Variants in EXT2 observed in about 807,000 individuals in gnomAD.
EXT2 encodes exostosin-2.
In EXT2, 53 loss-of-function variants were observed where a neutral mutation model predicts 81.6. That is an observed-to-expected ratio of 0.65 (90% CI 0.52 to 0.82). The LOEUF is 0.82. Among genes scored for constraint, EXT2 ranks in the 40% least tolerant of loss-of-function variants. The pLI is 0.00. For synonymous variants in EXT2, 320 were observed against 340.0 expected (o/e 0.94, Z 0.65); for missense variants, 774 against 910.2 (o/e 0.85, Z 1.93).
chr11:44,096,057 A>G (rs1953890023), intron 1 of EXT2: 2 of 651,762 alleles, frequency 3.1e-6, no homozygotes, highest in South Asian at 3.3e-5. Context: ...TCCGATTTCC[A>G]CTCCTGCTTC....
At chr11:44,164,918 G>A (rs1351190156) in intron 7 of EXT2, among the ~76,000 whole-genome samples, 1 of 138,790 alleles carries the variant, frequency 7.2e-6, no homozygotes, top group Non-Finnish European at 1.5e-5. Flanking sequence ...TCGCTCTGTC[G>A]CCCAGGCTGG....
At chr11:44,238,533 T>G (rs1388114085) in intron 13 of EXT2, among the ~76,000 whole-genome samples, 1 of 152,212 alleles carries the variant, frequency 6.6e-6, no homozygotes, top group East Asian at 1.9e-4. Flanking sequence ...TGGAGCGAAC[T>G]GTTGGACTTT....
chr11:44,150,124 G>T (rs1166875204), intron 7 of EXT2, among the ~76,000 whole-genome samples: 1 of 152,074 alleles, frequency 6.6e-6, no homozygotes, highest in Non-Finnish European at 1.5e-5. Context: ...GTTAAGAGAT[G>T]GTTAACAAAA....
In EXT2 at chr11:44,251,593, A is replaced by G. The variant is rs181954236; in HGVS notation, c.*7306A>G. ...TCTGGTTAAATCACTCAGTAAAGAA[A>G]TCTTTTCATGCTCACAATCTGAACC... On this transcript the variant is annotated 3_prime_UTR_variant, in exon 14 of 14. Coordinates refer to ENST00000533608, the MANE Select transcript of EXT2 (RefSeq NM_207122.2). Among the ~76,000 whole-genome samples the G allele has an allele frequency of 7.9e-5, 12 of 152,364 alleles. No homozygotes were observed. In the East Asian group the frequency reaches 1.9e-3, roughly 24 times the overall value.
At chr11:44,223,014 GGCAAAT>G (rs765269088) in intron 10 of EXT2, among the ~76,000 whole-genome samples, 3 of 152,264 alleles carry the variant, frequency 2.0e-5, no homozygotes, top group Non-Finnish European at 4.4e-5. Flanking sequence ...ATATACAGGT[GGCAAAT>G]AAGATGTTCA....
intron 7 of EXT2, among the ~76,000 whole-genome samples, chr11:44,152,532 G>T (rs977751324): frequency 2.6e-5 from 4 of 152,066 alleles, no homozygotes; most frequent in Non-Finnish European, 4.4e-5. Context: ...TGTATTTTTA[G>T]TAGAGACGGG....
chr11:44,187,315 C>G (rs2135162221), intron 8 of EXT2, among the ~76,000 whole-genome samples: 2 of 151,744 alleles, frequency 1.3e-5, no homozygotes, highest in South Asian at 4.2e-4. Flanking sequence ...GTAACTAGGA[C>G]CATAGGCTTG....
intron 10 of EXT2, among the ~76,000 whole-genome samples, chr11:44,229,404 G>A (rs1327007541): frequency 3.9e-5 from 6 of 152,180 alleles, no homozygotes; most frequent in African/African-American, 7.2e-5. Flanking sequence ...CGATGCCTGC[G>A]GTCGATTAGC....
chr11:44,194,386 T>C (rs988237849), intron 8 of EXT2, among the ~76,000 whole-genome samples: 25 of 152,180 alleles, frequency 1.6e-4, no homozygotes, highest in Admixed American at 6.5e-4. Flanking sequence ...ACTTTTAGGA[T>C]TTTTGTCTTA....
Sources: gnomAD v4.1 joint callset for allele counts (sites outside exome capture counted in the v4.1 genomes callset) on GRCh38, gnomAD v4.1.1 for gene constraint, MANE v1.5 for transcripts, NCBI Gene and HGNC (gene_info 2026-07-23, HGNC 2026-07-21) for gene names.